CENATAC: variants seen among roughly 807,000 people sequenced by gnomAD.
CENATAC encodes the protein coiled-coil domain containing 84.
In CENATAC, 53 loss-of-function variants were observed where a neutral mutation model predicts 53.7. The ratio of observed to expected loss-of-function variants is 0.99; its 90% CI spans 0.79 to 1.24. The LOEUF (loss-of-function observed/expected upper bound fraction) is 1.24. Among genes scored for constraint, CENATAC ranks in the 50% most tolerant of loss-of-function variants. The pLI, the probability that CENATAC is intolerant of heterozygous loss-of-function variation, is 0.00. For missense variants in CENATAC, 474 were observed against 417.8 expected (o/e 1.13, Z -1.17); for synonymous variants, 156 against 144.6 (o/e 1.08, Z -0.57).
intron 3 of CENATAC, 149 bp from the exon 4 acceptor site, chr11:119,010,615 A>AC: frequency 1.5e-6 from 1 of 651,024 alleles, no homozygotes; most frequent in Non-Finnish European, 2.7e-6. Context: ...GTTTACAAGG[A>AC]CTCTGGGTGA....
Position 119,014,974 on chromosome 11 carries a change from A to AAAAT in CENATAC, c.716-20_716-19insAAAT. 5.6e-5 allele frequency: 82 copies of AAAAT among 1,459,372 alleles called. No homozygotes were observed. The highest frequency in any genetic ancestry group is 7.4e-5 in the Non-Finnish European group (79 of 1,065,784). The allele number at this position is 1,459,372 out of a possible 1,614,324, so 90.4% of individuals were successfully genotyped here. The stretch of plus-strand genomic sequence containing the variant: ...CTGAAGACTTAAAAAAAAAAAAAAA[A>AAAAT]GCCTTAATTTTTTTTTCAGGTGCCA... On this transcript the variant is annotated intron_variant, in intron 8 of 10. Transcript: ENST00000334418.
At chr11:119,011,812 A>G (rs1337736094) in intron 5 of CENATAC, 127 bp from the exon 6 acceptor site, 27 of 767,108 alleles carry the variant, frequency 3.5e-5, no homozygotes, top group Non-Finnish European at 6.0e-5. Context: ...TCTGTAAAAG[A>G]TGGGCAGTAC....
intron 3 of CENATAC, among the ~76,000 whole-genome samples, chr11:119,009,202 C>T (rs1002487053): frequency 1.3e-5 from 2 of 152,090 alleles, no homozygotes; most frequent in Admixed American, 6.6e-5. Context: ...GATCTCGGCT[C>T]ACTGCAACCT....
chr11:119,013,626 G>T (rs959068127), intron 8 of CENATAC, among the ~76,000 whole-genome samples: 1 of 151,938 alleles, frequency 6.6e-6, no homozygotes, highest in Non-Finnish European at 1.5e-5. Flanking sequence ...ACTACGCCCA[G>T]CTAATTTTTT....
intron 3 of CENATAC, among the ~76,000 whole-genome samples, chr11:119,000,800 T>C (rs1329253344): frequency 6.6e-6 from 1 of 152,074 alleles, no homozygotes; most frequent in Non-Finnish European, 1.5e-5. Context: ...AGATGGGGTT[T>C]TGCTATGTTG....
At position 119,010,862 on chromosome 11, in the gene CENATAC, T is replaced by G. The variant is rs749172063; in HGVS notation, c.450+32T>G. The stretch of plus-strand genomic sequence containing the variant: ...TAAAGTAGCAGTCCCTCACCCTTTT[T>G]GCACCAGGGGCTGGTTTCGTGGAAG... On this transcript the variant is annotated intron_variant, in intron 4 of 10. Coordinates refer to ENST00000334418, the MANE Select transcript of CENATAC (RefSeq NM_198489.3). The G allele has an allele frequency of 2.4e-4, 383 of 1,600,776 alleles. 3 individuals are homozygous for G. Among genetic ancestry groups the G allele is most frequent in the Non-Finnish European group, 2.5e-4 (288 of 1,169,010 alleles).
Position 119,006,137 on chromosome 11 carries a change from A to AGTACAGTG in CENATAC, c.384-4625_384-4618dup, listed in dbSNP as rs531425742. Among the ~76,000 whole-genome samples the AGTACAGTG allele has an allele frequency of 6.9e-3, 823 of 118,850 alleles. 10 individuals are homozygous for AGTACAGTG. The highest frequency in any genetic ancestry group is 0.03 in the South Asian group (107 of 3,514). 78.0% of individuals were successfully genotyped at this position (118,850 alleles called of 152,430 possible). On this transcript the variant is annotated intron_variant, in intron 3 of 10. Transcript: ENST00000334418. ...GAATCTTGCTCTGTCGCCAGGCTGG[A>AGTACAGTG]GTACAGTGGCGTGATCTCAGTTGAC...
rs1942829733 is a variant in CENATAC, at chr11:119,010,747, G to C, written c.384-17G>C. The stretch of plus-strand genomic sequence containing the variant: ...TGGGGAATGGGTTCTGGGTGGTTTT[G>C]CCCCTTTTCTTTTTAGATTCAAGAA... On this transcript the variant is annotated splice_polypyrimidine_tract_variant and intron_variant, in intron 3 of 10. Transcript: ENST00000334418. 1 of 1,613,518 alleles carries C rather than the reference G, an allele frequency of 6.2e-7. No homozygotes were observed. The highest frequency in any genetic ancestry group is 1.7e-5 in the Admixed American group (1 of 59,958).
chr11:119,014,936 G>A (rs1943078204), intron 8 of CENATAC, 58 bp from the exon 9 acceptor site: 5 of 1,148,536 alleles, frequency 4.4e-6, no homozygotes, highest in Non-Finnish European at 6.1e-6. Context: ...GCTAGGACAT[G>A]TTTCACAATA....
chr11:119,011,199 C>T, intron 4 of CENATAC, 22 bp from the exon 5 acceptor site: 2 of 1,610,520 alleles, frequency 1.2e-6, no homozygotes, highest in Non-Finnish European at 1.7e-6. Context: ...CTGTACCTGT[C>T]TAAGCAGCCT....
intron 10 of CENATAC, 23 bp downstream of exon 10, chr11:119,015,462 C>G (rs1348737475): frequency 1.2e-6 from 2 of 1,613,718 alleles, no homozygotes; most frequent in Non-Finnish European, 1.7e-6. Context: ...AGTGCCGGGT[C>G]TCCAACCTAC....
chr11:119,003,621 C>CTCT lies in CENATAC; in HGVS notation c.383+4513_383+4514insCTT, dbSNP rs781831427. 66 of 129,088 alleles carry CTCT rather than the reference C, an allele frequency of 5.1e-4. 1 individual carries two copies. The highest frequency in any genetic ancestry group is 8.4e-3 in the Middle Eastern group (2 of 238). 8.0% of individuals were successfully genotyped at this position (129,088 alleles called of 1,614,324 possible). A position where few individuals can be genotyped will look rare whatever the true frequency, so the allele number is the denominator to read the frequency against. On this transcript the variant is annotated intron_variant, in intron 3 of 10. Transcript: ENST00000334418. The stretch of plus-strand genomic sequence containing the variant: ...CCAATAATTAGAAATATTTCTCTCT[C>CTCT]TTTTTTTTTTTTTTTTTTGGGAGAC...
At chr11:119,015,121 TCA>T (rs1017656571) in intron 9 of CENATAC, 38 bp downstream of exon 9, 7 of 1,549,814 alleles carry the variant, frequency 4.5e-6, no homozygotes, top group African/African-American at 2.7e-5. Flanking sequence ...GTCTAAATCT[TCA>T]CACTCAAAAA....
intron 5 of CENATAC, 39 bp downstream of exon 5, chr11:119,011,322 C>G: frequency 6.3e-7 from 1 of 1,594,384 alleles, no homozygotes; most frequent in East Asian, 2.2e-5. Context: ...GTATCCAAAT[C>G]CACTGATCCC....
rs1182440760 is a variant in CENATAC, at chr11:119,000,522, A to G, written c.383+1413A>G. Among the ~76,000 whole-genome samples the G allele has an allele frequency of 3.4e-5, 5 of 147,732 alleles. No homozygotes were observed. The Middle Eastern group carries it at 0.011, about 319-fold the overall frequency. ...CTTTAAAAAAAAATTTTTTTTGTCC[A>G]GGCATGGTGGCTCATGTGAAGTCAG... On this transcript the variant is annotated intron_variant, in intron 3 of 10. Transcript: ENST00000334418.
At chr11:119,000,012 G>A (rs923718174) in intron 3 of CENATAC, among the ~76,000 whole-genome samples, 1 of 152,128 alleles carries the variant, frequency 6.6e-6, no homozygotes. Context: ...CCTGACTTGA[G>A]GTGACTCACC....
rs1592087678 is a variant in CENATAC, at chr11:119,015,675, A to C, written c.*77A>C. 1 of 1,458,926 alleles carries C rather than the reference A, an allele frequency of 6.9e-7. No individual in the cohort carries two copies. Among genetic ancestry groups the C allele is most frequent in the African/African-American group, 1.4e-5 (1 of 71,426 alleles). 90.4% of individuals were successfully genotyped at this position (1,458,926 alleles called of 1,614,324 possible). A position where few individuals can be genotyped will look rare whatever the true frequency, so the allele number is the denominator to read the frequency against. The stretch of plus-strand genomic sequence containing the variant: ...TATTATACCTTCCACCAAATTCTTT[A>C]TCATTGTCTTTCTTAGGAAACAGAC... On this transcript the variant is annotated 3_prime_UTR_variant, in exon 11 of 11. Transcript: ENST00000334418.
At chr11:119,006,150 G>A (rs1942584459) in intron 3 of CENATAC, among the ~76,000 whole-genome samples, 2 of 139,864 alleles carry the variant, frequency 1.4e-5, no homozygotes, top group Admixed American at 1.5e-4. Context: ...ACAGTGGCGT[G>A]ATCTCAGTTG....
In CENATAC at chr11:119,006,783, AG is replaced by A. The variant is rs1245060101; in HGVS notation, c.384-3978del. On this transcript the variant is annotated intron_variant, in intron 3 of 10. Transcript: ENST00000334418. ...GCTCCCATAATTCCCACGTTGTGGG[AG>A]GGACCCAGTGGGAGATAACTGAATC... Among the ~76,000 whole-genome samples the A allele has an allele frequency of 2.6e-5, 4 of 152,210 alleles. No individual in the cohort carries two copies. The East Asian group carries it at 7.7e-4, about 29-fold the overall frequency.
Sources: gnomAD v4.1 joint callset for allele counts (sites outside exome capture counted in the v4.1 genomes callset) on GRCh38, gnomAD v4.1.1 for gene constraint, MANE v1.5 for transcripts, NCBI Gene and HGNC (gene_info 2026-07-23, HGNC 2026-07-21) for gene names.